Variants in TOMM20 observed in about 807,000 individuals in gnomAD.
The protein encoded by TOMM20 is translocase of outer mitochondrial membrane 20.
TOMM20 carries 10 observed loss-of-function variants against 22.1 expected under a neutral mutation model. The observed-to-expected ratio is 0.45, with a 90% CI of 0.28 to 0.77. TOMM20 has a LOEUF of 0.77. TOMM20 is among the 30% of genes least tolerant of loss of function. TOMM20 has a pLI of 0.13. For missense variants in TOMM20, 121 were observed against 172.2 expected, an observed-to-expected ratio of 0.70 and a Z score of 1.66; for synonymous variants, 55 against 61.4, an observed-to-expected ratio of 0.90 and a Z score of 0.49.
intron 1 of TOMM20, among the ~76,000 whole-genome samples, chr1:235,124,377 T>A (rs945097796): frequency 1.3e-5 from 2 of 152,188 alleles, no homozygotes; most frequent in African/African-American, 4.8e-5. Flanking sequence ...ATCCAGGTAC[T>A]ATTATCATCC....
intron 3 of TOMM20, among the ~76,000 whole-genome samples, chr1:235,118,581 C>T (rs1167662529): frequency 6.6e-6 from 1 of 152,224 alleles, no homozygotes; most frequent in Non-Finnish European, 1.5e-5. Context: ...GACTGAAATG[C>T]AGTGGCACCA....
intron 4 of TOMM20, among the ~76,000 whole-genome samples, chr1:235,113,066 C>A (rs1279477581): frequency 6.6e-6 from 1 of 152,190 alleles, no homozygotes; most frequent in African/African-American, 2.4e-5. Context: ...TTCCTATCAT[C>A]ATTCACTGTT....
rs923880605 is a variant in TOMM20, at chr1:235,110,965, C to T, written c.*1099G>A. 1.3e-5 allele frequency: 2 copies of T among 152,158 alleles called. No individual in the cohort carries two copies. The highest frequency in any genetic ancestry group is 4.8e-5 in the African/African-American group (2 of 41,406). The allele number at this position is 152,158 out of a possible 1,614,324, so 9.4% of individuals were successfully genotyped here. The stretch of plus-strand genomic sequence containing the variant: ...TTCAGTCACAAGGTTGCAACTTACT[C>T]TCATCGTTTCACAAGATAATCAAGT... On this transcript the variant is annotated 3_prime_UTR_variant, in exon 5 of 5. Coordinates refer to ENST00000366607, the MANE Select transcript of TOMM20 (RefSeq NM_014765.3).
chr1:235,128,772 G>A lies in TOMM20; in HGVS notation c.-57C>T, dbSNP rs1309498005. 1.2e-6 allele frequency: 2 copies of A among 1,609,536 alleles called. No homozygotes were observed. The highest frequency in any genetic ancestry group is 1.7e-6 in the Non-Finnish European group (2 of 1,178,574). ...GGCAGGGACCGCGAAGGAGCGGTGG[G>A]CCACGAACCCTCAGAGCGGTCGGCG... On this transcript the variant is annotated 5_prime_UTR_variant, in exon 1 of 5. Transcript: ENST00000366607.
chr1:235,117,068 G>A (rs1038848775), intron 3 of TOMM20, among the ~76,000 whole-genome samples: 3 of 139,636 alleles, frequency 2.1e-5, no homozygotes, highest in African/African-American at 8.1e-5. Context: ...CAGGGAGGCA[G>A]AGCTTGCAGT....
At chr1:235,128,466 C>A (rs1287023754) in intron 1 of TOMM20, 129 bp downstream of exon 1, 7 of 1,424,784 alleles carry the variant, frequency 4.9e-6, no homozygotes, top group South Asian at 1.3e-5. Flanking sequence ...CCAGCGCCAT[C>A]GCCTATTGAG....
chr1:235,124,427 C>T (rs1348549615), intron 1 of TOMM20, among the ~76,000 whole-genome samples: 1 of 152,228 alleles, frequency 6.6e-6, no homozygotes, highest in African/African-American at 2.4e-5. Context: ...GTCACAATTA[C>T]TTACTGGTGG....
chr1:235,122,695 T>C (rs1241016390), intron 1 of TOMM20, among the ~76,000 whole-genome samples: 1 of 152,192 alleles, frequency 6.6e-6, no homozygotes, highest in Non-Finnish European at 1.5e-5. Flanking sequence ...ACAAAGGATA[T>C]GTAACAGGGG....
intron 3 of TOMM20, among the ~76,000 whole-genome samples, chr1:235,118,643 C>T (rs1265702112): frequency 6.6e-6 from 1 of 152,210 alleles, no homozygotes; most frequent in Non-Finnish European, 1.5e-5. Context: ...CCTCCTACTT[C>T]AGTCTCTGAG....
At chr1:235,115,526 C>T (rs1660814063) in intron 3 of TOMM20, among the ~76,000 whole-genome samples, 1 of 151,998 alleles carries the variant, frequency 6.6e-6, no homozygotes, top group Non-Finnish European at 1.5e-5. Context: ...ACTTGGGAGG[C>T]CAAGGCAGGA....
intron 1 of TOMM20, among the ~76,000 whole-genome samples, chr1:235,125,403 G>C (rs1225044447): frequency 6.6e-6 from 1 of 151,974 alleles, no homozygotes; most frequent in Non-Finnish European, 1.5e-5. Flanking sequence ...TTTTAGTAAA[G>C]ACGGGGTTTC....
chr1:235,127,788 T>C (rs780473725), intron 1 of TOMM20: 1 of 511,732 alleles, frequency 2.0e-6, no homozygotes. Flanking sequence ...TCCCCTCTGG[T>C]AGACCTCTCT....
rs369263758 is a variant in TOMM20 at position 235,116,944 on chromosome 1, G to T, written c.250+2874C>A. On this transcript the variant is annotated intron_variant, in intron 3 of 4. Transcript: ENST00000366607. Reference sequence around the variant, plus strand: ...AGGTCAGGAGATCGAGACCATCCTGGCTAACATGGTGAAACCCCGTCTCTA... The same window carrying T: ...AGGTCAGGAGATCGAGACCATCCTGTCTAACATGGTGAAACCCCGTCTCTA... Among the ~76,000 whole-genome samples, 149 of 150,736 alleles carry T rather than the reference G, an allele frequency of 9.9e-4. 2 individuals carry two copies. Among genetic ancestry groups the T allele is most frequent in the East Asian group, 6.5e-3 (33 of 5,062 alleles).
At chr1:235,112,502 C>T (rs375348088) in intron 4 of TOMM20, among the ~76,000 whole-genome samples, 41 of 152,170 alleles carry the variant, frequency 2.7e-4, no homozygotes, top group African/African-American at 8.9e-4. Context: ...CCACCATGCC[C>T]GGCTAATTTT....
At chr1:235,119,706 T>C (rs1660897678) in intron 3 of TOMM20, 112 bp downstream of exon 3, 2 of 590,594 alleles carry the variant, frequency 3.4e-6, no homozygotes, top group East Asian at 2.9e-5. Context: ...CTTGAGATAC[T>C]TGGAGTACCT....
rs374530716 is a variant in TOMM20 at position 235,122,822 on chromosome 1, G to A, written c.122-450C>T. Among the ~76,000 whole-genome samples, 19 of 152,286 alleles carry A rather than the reference G, an allele frequency of 1.2e-4. 2 individuals are homozygous for A. In the South Asian group the frequency reaches 3.3e-3, roughly 27 times the overall value. ...GAAAGAAAAAATCTAAAGTGTACAGGAGGCATATGATGGTTACATGAAAAT... is the reference window on the plus strand; with the variant it reads ...GAAAGAAAAAATCTAAAGTGTACAGAAGGCATATGATGGTTACATGAAAAT... On this transcript the variant is annotated intron_variant, in intron 1 of 4. Coordinates refer to ENST00000366607, the MANE Select transcript of TOMM20 (RefSeq NM_014765.3).
At chr1:235,126,094 T>TAA (rs1661014654) in intron 1 of TOMM20, among the ~76,000 whole-genome samples, 1 of 148,942 alleles carries the variant, frequency 6.7e-6, no homozygotes, top group African/African-American at 2.6e-5. Flanking sequence ...TAGATAAAGA[T>TAA]AGATAGATAT....
intron 3 of TOMM20, among the ~76,000 whole-genome samples, chr1:235,116,482 T>C (rs1373903795): frequency 2.6e-5 from 4 of 151,220 alleles, no homozygotes; most frequent in East Asian, 2.0e-4. Context: ...GAAGTTGCAG[T>C]GAGCAAGATC....
rs564666890 is a variant in TOMM20, at chr1:235,121,102, G to A, written c.169-1203C>T. On this transcript the variant is annotated intron_variant, in intron 2 of 4. Coordinates refer to ENST00000366607, the MANE Select transcript of TOMM20 (RefSeq NM_014765.3). Reference sequence around the variant, plus strand: ...TAGTCCCAGCTGCTCGGGAGGCTGAGGCAGGAGAATCGCTTGAACCTGGGA... The same window carrying A: ...TAGTCCCAGCTGCTCGGGAGGCTGAAGCAGGAGAATCGCTTGAACCTGGGA... Among the ~76,000 whole-genome samples, 25 of 152,032 alleles carry A rather than the reference G, an allele frequency of 1.6e-4. No homozygotes were observed. In the East Asian group the frequency reaches 4.8e-3, roughly 29 times the overall value.
Sources: gnomAD v4.1 joint callset for allele counts (sites outside exome capture counted in the v4.1 genomes callset) on GRCh38, gnomAD v4.1.1 for gene constraint, MANE v1.5 for transcripts, NCBI Gene and HGNC (gene_info 2026-07-23, HGNC 2026-07-21) for gene names.